Variants in DNAJB6 observed in about 807,000 individuals in gnomAD.
The protein encoded by DNAJB6 is dnaJ homolog subfamily B member 6.
In DNAJB6, 16 loss-of-function variants were observed where a neutral mutation model predicts 42.7. That is an observed-to-expected ratio of 0.37 (90% CI 0.25 to 0.57). DNAJB6 has a LOEUF of 0.57. Ranked by LOEUF, DNAJB6 falls within the 20% of genes least tolerant of loss-of-function variation. DNAJB6 has a pLI of 0.74. For missense variants in DNAJB6, 347 were observed against 416.8 expected, an observed-to-expected ratio of 0.83 and a Z score of 1.46; for synonymous variants, 170 against 163.5, an observed-to-expected ratio of 1.04 and a Z score of -0.30.
intron 8 of DNAJB6, among the ~76,000 whole-genome samples, chr7:157,401,867 C>T (rs1795533545): frequency 6.6e-6 from 1 of 152,226 alleles, no homozygotes; most frequent in Non-Finnish European, 1.5e-5. Flanking sequence ...TGTTCAGTTT[C>T]CCAGCAGCGG....
At chr7:157,392,165 C>T (rs547260130) in intron 8 of DNAJB6, among the ~76,000 whole-genome samples, 106 of 150,320 alleles carry the variant, frequency 7.1e-4, no homozygotes, top group Middle Eastern at 3.5e-3. Context: ...CTATCAACAA[C>T]GGATTGGGGT....
At chr7:157,381,167 T>A (rs1208440063) in intron 5 of DNAJB6, 2 of 152,092 alleles carry the variant, frequency 1.3e-5, no homozygotes, top group African/African-American at 4.8e-5. Flanking sequence ...ATTTCAGTGC[T>A]TGCTGTTGTA....
rs116293655 is a variant in DNAJB6 at position 157,402,892 on chromosome 7, G to A, written c.692-6903G>A. On this transcript the variant is annotated intron_variant, in intron 8 of 9. Transcript: ENST00000262177. ...CCCCACTTTCTCCATCAGCCTTCTG[G>A]TCTGCCTTCGTACTGTGAACCAGGA... Among the ~76,000 whole-genome samples, 457 of 152,318 alleles carry A rather than the reference G, an allele frequency of 3.0e-3. 3 individuals are homozygous for A. Among genetic ancestry groups the A allele is most frequent in the African/African-American group, 0.01 (434 of 41,568 alleles).
chr7:157,357,300 T>TTCCG (rs1473270764), intron 1 of DNAJB6, among the ~76,000 whole-genome samples: 1 of 94,748 alleles, frequency 1.1e-5, no homozygotes, highest in East Asian at 4.5e-4. Flanking sequence ...CCTTCCTTCC[T>TTCCG]TCCTTCCTTC....
At chr7:157,346,584 A>G (rs542512114) in intron 1 of DNAJB6, among the ~76,000 whole-genome samples, 141 of 152,324 alleles carry the variant, frequency 9.3e-4, no homozygotes, top group African/African-American at 3.0e-3. Flanking sequence ...AAAAAAAGAT[A>G]GTGTTACCAA....
intron 1 of DNAJB6, among the ~76,000 whole-genome samples, chr7:157,343,072 A>T (rs1798497871): frequency 6.6e-6 from 1 of 150,582 alleles, no homozygotes; most frequent in Admixed American, 6.6e-5. Context: ...GCTCACTGCA[A>T]CCTTTGCCTC....
intron 8 of DNAJB6, among the ~76,000 whole-genome samples, chr7:157,393,164 C>T (rs1333766538): frequency 2.6e-5 from 4 of 152,114 alleles, no homozygotes; most frequent in Admixed American, 1.3e-4. Flanking sequence ...TTAGTAGAGA[C>T]GGAGTTTCAC....
chr7:157,397,339 C>T (rs1198565211), intron 8 of DNAJB6, among the ~76,000 whole-genome samples: 3 of 152,282 alleles, frequency 2.0e-5, no homozygotes, highest in African/African-American at 4.8e-5. Flanking sequence ...CAGTCACGGC[C>T]GCCCAGCCAG....
chr7:157,340,989 T>A (rs371404641), intron 1 of DNAJB6, among the ~76,000 whole-genome samples: 1 of 74,970 alleles, frequency 1.3e-5, no homozygotes, highest in Non-Finnish European at 2.8e-5. Context: ...TGTGTGTGTG[T>A]GTGTGTGTGC....
chr7:157,348,711 C>A (rs1348525300), intron 1 of DNAJB6, among the ~76,000 whole-genome samples: 2 of 152,170 alleles, frequency 1.3e-5, no homozygotes, highest in East Asian at 3.9e-4. Context: ...CTTCTACTTA[C>A]AGTGGAAGAG....
chr7:157,363,692 A>C (rs567309114), intron 3 of DNAJB6, among the ~76,000 whole-genome samples: 2 of 152,272 alleles, frequency 1.3e-5, no homozygotes, highest in African/African-American at 4.8e-5. Context: ...AGAGGATGTC[A>C]TTAGTTCCCA....
intron 1 of DNAJB6, among the ~76,000 whole-genome samples, chr7:157,343,476 T>A (rs976685850): frequency 6.6e-6 from 1 of 151,666 alleles, no homozygotes; most frequent in Non-Finnish European, 1.5e-5. Context: ...TAGAAACCAC[T>A]ATTTTTTTTT....
chr7:157,363,124 A>G, intron 2 of DNAJB6, 37 bp from the exon 3 acceptor site: 1 of 1,430,082 alleles, frequency 7.0e-7, no homozygotes, highest in Middle Eastern at 2.1e-4. Flanking sequence ...TGATTTCTGG[A>G]TTTAGAATGT....
intron 8 of DNAJB6, among the ~76,000 whole-genome samples, chr7:157,404,701 G>C (rs1438260038): frequency 6.6e-6 from 1 of 151,456 alleles, no homozygotes; most frequent in Non-Finnish European, 1.5e-5. Context: ...AGTAGAGACG[G>C]GGTCATGTTG....
chr7:157,384,898 G>C lies in DNAJB6; in HGVS notation c.510G>C (p.Gly170=). ...GFTSFGSLGH[G]GLTSFSSTSF... The stretch of plus-strand genomic sequence containing the variant: ...CTTCATTTGGGTCACTAGGTCACGG[G>C]GGCCTCACTTCATTCTCTTCCACGT... The change falls in exon 7 of 10, where the codon GGG becomes GGC. Residue 170 remains glycine (G), a synonymous_variant. Transcript: ENST00000262177. The C allele has an allele frequency of 1.9e-6, 3 of 1,613,070 alleles. No individual in the cohort carries two copies. Among genetic ancestry groups the C allele is most frequent in the South Asian group, 2.2e-5 (2 of 91,022 alleles).
chr7:157,348,837 G>C (rs1388681252), intron 1 of DNAJB6, among the ~76,000 whole-genome samples: 2 of 152,172 alleles, frequency 1.3e-5, no homozygotes, highest in South Asian at 2.1e-4. Flanking sequence ...CTACTAACTT[G>C]CTGCGTCCCA....
At chr7:157,400,775 G>A (rs117920927) in intron 8 of DNAJB6, among the ~76,000 whole-genome samples, 15 of 152,314 alleles carry the variant, frequency 9.8e-5, no homozygotes, top group Non-Finnish European at 1.8e-4. Context: ...TGGGCGAGAC[G>A]TGAGTGGGTC....
At chr7:157,341,956 T>A (rs970157806) in intron 1 of DNAJB6, among the ~76,000 whole-genome samples, 7 of 152,168 alleles carry the variant, frequency 4.6e-5, no homozygotes, top group African/African-American at 1.7e-4. Flanking sequence ...AACCTCCACC[T>A]CTGGGGTTCA....
Position 157,410,423 on chromosome 7 carries a change from T to C in DNAJB6, c.898+422T>C, listed in dbSNP as rs181079725. On this transcript the variant is annotated intron_variant, in intron 9 of 9. Coordinates refer to ENST00000262177, the MANE Select transcript of DNAJB6 (RefSeq NM_058246.4). ...CCGTCAGCTTCACCTTCTCGTGCCT[T>C]CTTCTGCGCTGGGTGCAGAACAAAA... The C allele has an allele frequency of 4.3e-3, 1,385 of 325,378 alleles. 7 individuals carry two copies. Among genetic ancestry groups the C allele is most frequent in the Non-Finnish European group, 6.1e-3 (1,088 of 179,732 alleles). The allele number at this position is 325,378 out of a possible 1,614,324, so 20.2% of individuals were successfully genotyped here.
Sources: gnomAD v4.1 joint callset for allele counts (sites outside exome capture counted in the v4.1 genomes callset) on GRCh38, gnomAD v4.1.1 for gene constraint, MANE v1.5 for transcripts, NCBI Gene and HGNC (gene_info 2026-07-23, HGNC 2026-07-21) for gene names.